The following SUFU variants were observed in gnomAD, a reference collection of about 807,000 sequenced individuals.
The protein encoded by SUFU is suppressor of fused homolog.
A neutral mutation model predicts 58.9 loss-of-function variants in SUFU; 7 were observed. That is an observed-to-expected ratio of 0.12 (90% confidence interval 0.07 to 0.22). SUFU has a LOEUF of 0.22. Ranked by LOEUF, SUFU falls within the 10% of genes least tolerant of loss-of-function variation. The probability of loss-of-function intolerance (pLI) is 1.00; values close to 1 mark genes in which losing one functional copy is unlikely to be tolerated. For synonymous variants in SUFU, 232 were observed against 254.8 expected (o/e 0.91, Z 0.85); for missense variants, 451 against 641.3 (o/e 0.70, Z 3.20).
chr10:102,523,576 C>G (rs983312308), intron 2 of SUFU, among the ~76,000 whole-genome samples: 14 of 152,212 alleles, frequency 9.2e-5, no homozygotes, highest in Non-Finnish European at 1.8e-4. Context: ...CAGGCAACAC[C>G]ATGGCTTGCC....
intron 3 of SUFU, among the ~76,000 whole-genome samples, chr10:102,558,673 T>G (rs2135766416): frequency 6.6e-6 from 1 of 152,320 alleles, no homozygotes; most frequent in South Asian, 2.1e-4. Context: ...GCACATGGAA[T>G]AGGAGGGAAG....
chr10:102,571,921 G>A (rs1202549142), intron 3 of SUFU, among the ~76,000 whole-genome samples: 2 of 152,172 alleles, frequency 1.3e-5, no homozygotes, highest in Non-Finnish European at 2.9e-5. Flanking sequence ...CCGTCAGGTT[G>A]TTGACAGAAT....
At chr10:102,616,346 C>T (rs1304865548) in intron 9 of SUFU, among the ~76,000 whole-genome samples, 1 of 152,230 alleles carries the variant, frequency 6.6e-6, no homozygotes, top group Admixed American at 6.5e-5. Context: ...AGAACAGTGA[C>T]AGGGAAGAAG....
chr10:102,548,180 TAG>T (rs1386516532), intron 2 of SUFU, among the ~76,000 whole-genome samples: 1 of 151,834 alleles, frequency 6.6e-6, no homozygotes, highest in Non-Finnish European at 1.5e-5. Flanking sequence ...GATAGAGAGA[TAG>T]AGAGATAGAT....
At chr10:102,505,538 T>A (rs1241772542) in intron 1 of SUFU, among the ~76,000 whole-genome samples, 1 of 152,214 alleles carries the variant, frequency 6.6e-6, no homozygotes, top group Non-Finnish European at 1.5e-5. Context: ...CTTTTAGGAC[T>A]GAGTCTTCCT....
intron 1 of SUFU, among the ~76,000 whole-genome samples, chr10:102,506,962 C>T (rs2062335421): frequency 6.6e-6 from 1 of 152,180 alleles, no homozygotes; most frequent in Non-Finnish European, 1.5e-5. Flanking sequence ...TCATGGCCCA[C>T]TTCAGTCCTG....
At chr10:102,557,627 AAAAAC>A (rs1399480551) in intron 3 of SUFU, among the ~76,000 whole-genome samples, 1 of 152,200 alleles carries the variant, frequency 6.6e-6, no homozygotes, top group African/African-American at 2.4e-5. Flanking sequence ...CTCAAAAACA[AAAAAC>A]AAAGAAAAAC....
intron 2 of SUFU, among the ~76,000 whole-genome samples, chr10:102,539,605 AATT>A (rs1469742059): frequency 2.6e-5 from 4 of 152,158 alleles, no homozygotes; most frequent in African/African-American, 9.7e-5. Flanking sequence ...TTCTTGCCTG[AATT>A]ATTATTACAA....
chr10:102,523,772 C>T lies in SUFU; in HGVS notation c.317+14469C>T, dbSNP rs534002651. ...GCCTTCGGAGTTAGACCTTCTTTAG[C>T]CAGGGCCAGTGGACACTCATCTCAT... On this transcript the variant is annotated intron_variant, in intron 2 of 11. Coordinates refer to ENST00000369902, the MANE Select transcript of SUFU (RefSeq NM_016169.4). Among the ~76,000 whole-genome samples the T allele has an allele frequency of 2.0e-5, 3 of 152,346 alleles. No individual in the cohort carries two copies. The East Asian group carries it at 5.8e-4, about 29-fold the overall frequency.
chr10:102,540,300 A>C (rs919702859), intron 2 of SUFU, among the ~76,000 whole-genome samples: 1 of 152,120 alleles, frequency 6.6e-6, no homozygotes, highest in Non-Finnish European at 1.5e-5. Context: ...CTCTATTTCC[A>C]TATTGGTTTC....
intron 3 of SUFU, among the ~76,000 whole-genome samples, chr10:102,555,064 C>T (rs1029553908): frequency 1.7e-4 from 26 of 152,000 alleles, no homozygotes; most frequent in African/African-American, 5.6e-4. Flanking sequence ...GTCAGGAGAT[C>T]AAGACCATCC....
intron 11 of SUFU, 41 bp from the exon 12 acceptor site, chr10:102,630,025 T>A (rs755849711): frequency 1.9e-6 from 3 of 1,580,590 alleles, no homozygotes; most frequent in South Asian, 2.2e-5. Context: ...TGTATTCTGC[T>A]AACCACTCAC....
chr10:102,593,058 C>G (rs115836705), intron 4 of SUFU, among the ~76,000 whole-genome samples: 3 of 152,312 alleles, frequency 2.0e-5, no homozygotes, highest in Admixed American at 6.5e-5. Context: ...CGTCCTTGCT[C>G]TTTGCCAGAA....
At chr10:102,588,501 G>A (rs754957308) in intron 3 of SUFU, among the ~76,000 whole-genome samples, 8 of 152,010 alleles carry the variant, frequency 5.3e-5, no homozygotes, top group Admixed American at 1.3e-4. Flanking sequence ...TGCCAGTGCC[G>A]CACTGACTTG....
At chr10:102,522,984 G>A (rs2062568880) in intron 2 of SUFU, among the ~76,000 whole-genome samples, 1 of 152,144 alleles carries the variant, frequency 6.6e-6, no homozygotes, top group South Asian at 2.1e-4. Flanking sequence ...CTCTTCAGCA[G>A]TCCATGGCTT....
At chr10:102,519,127 G>A (rs2062512864) in intron 2 of SUFU, among the ~76,000 whole-genome samples, 3 of 123,242 alleles carry the variant, frequency 2.4e-5, no homozygotes, top group Non-Finnish European at 3.4e-5. Context: ...GAGACAGCGA[G>A]ACTCTGTCTC....
intron 2 of SUFU, among the ~76,000 whole-genome samples, chr10:102,529,797 T>C (rs1428653047): frequency 6.6e-6 from 1 of 151,820 alleles, no homozygotes; most frequent in Non-Finnish European, 1.5e-5. Flanking sequence ...ATACAAAAAT[T>C]AGCTGGGCAT....
intron 7 of SUFU, among the ~76,000 whole-genome samples, chr10:102,599,165 G>A (rs1051666472): frequency 6.6e-6 from 1 of 152,166 alleles, no homozygotes; most frequent in South Asian, 2.1e-4. Context: ...GAAAGAAAAG[G>A]ATGGTGGAGA....
chr10:102,632,043 T>A lies in SUFU; in HGVS notation c.*1888T>A. On this transcript the variant is annotated 3_prime_UTR_variant, in exon 12 of 12. Transcript: ENST00000369902. ...GGCAGAGAGGTGCCATCAGTTCGCC[T>A]CCATTCCTTGCCACCATGACCAGCC... is the stretch of plus-strand genomic sequence containing the variant. The A allele has an allele frequency of 4.3e-6, 1 of 233,358 alleles. No individual in the cohort carries two copies. Among genetic ancestry groups the A allele is most frequent in the Non-Finnish European group, 8.5e-6 (1 of 118,140 alleles). The allele number at this position is 233,358 out of a possible 1,614,324, so 14.5% of individuals were successfully genotyped here. A position where few individuals can be genotyped will look rare whatever the true frequency, so the allele number is the denominator to read the frequency against.
Sources: gnomAD v4.1 joint callset for allele counts (sites outside exome capture counted in the v4.1 genomes callset) on GRCh38, gnomAD v4.1.1 for gene constraint, MANE v1.5 for transcripts, NCBI Gene and HGNC (gene_info 2026-07-23, HGNC 2026-07-21) for gene names.